Variants in PRKN observed in about 807,000 individuals in gnomAD.
PRKN encodes the protein E3 ubiquitin-protein ligase parkin.
In PRKN, 56 loss-of-function variants were observed where a neutral mutation model predicts 59.5. The ratio of observed to expected loss-of-function variants is 0.94; its 90% CI spans 0.76 to 1.18. The LOEUF (loss-of-function observed/expected upper bound fraction) is 1.18. Ranked by LOEUF, PRKN falls within the 50% of genes most tolerant of loss-of-function variation. The pLI is 0.00. For missense variants in PRKN, 657 were observed against 596.4 expected (o/e 1.10, Z -1.06); for synonymous variants, 250 against 222.1 (o/e 1.13, Z -1.12).
chr6:161,456,887 C>G lies in PRKN; in HGVS notation c.1084-70010G>C, dbSNP rs528922534. Among the ~76,000 whole-genome samples the G allele has an allele frequency of 6.6e-6, 1 of 152,140 alleles. No individual in the cohort carries two copies. The highest frequency in any genetic ancestry group is 2.4e-5 in the African/African-American group (1 of 41,444). On this transcript the variant is annotated intron_variant, in intron 9 of 11. Transcript: ENST00000366898. This position sits in a 1 kb window ranked among gnomAD's most constrained non-coding sequence, Gnocchi z 4.8. ...CAGGGAACCTTTTCTCCTAGGCAAACAGAGGTAGTGTGGCAGCTGGAAGAG... is the reference window on the plus strand; with the variant it reads ...CAGGGAACCTTTTCTCCTAGGCAAAGAGAGGTAGTGTGGCAGCTGGAAGAG...
chr6:162,206,005 T>C (rs1423433428), intron 3 of PRKN, among the ~76,000 whole-genome samples: 3 of 152,076 alleles, frequency 2.0e-5, no homozygotes, highest in Non-Finnish European at 2.9e-5. Flanking sequence ...TAATCTGTGC[T>C]CATATAAAAA....
chr6:162,512,696 C>T (rs1443843338), intron 1 of PRKN, among the ~76,000 whole-genome samples: 1 of 152,154 alleles, frequency 6.6e-6, no homozygotes. Context: ...GACTGGCTGC[C>T]TCTATGCTGT....
intron 1 of PRKN, among the ~76,000 whole-genome samples, chr6:162,675,672 T>C (rs890171179): frequency 1.3e-5 from 2 of 152,162 alleles, no homozygotes; most frequent in African/African-American, 4.8e-5. Context: ...ATACTATGTG[T>C]CTGGATGGGA....
At chr6:161,770,460 A>C (rs1315415980) in intron 7 of PRKN, among the ~76,000 whole-genome samples, 2 of 66,824 alleles carry the variant, frequency 3.0e-5, no homozygotes, top group African/African-American at 9.6e-5. Flanking sequence ...GCCTTTATTT[A>C]TTTATTTATT....
intron 1 of PRKN, among the ~76,000 whole-genome samples, chr6:162,572,332 C>G (rs567001502): frequency 1.3e-5 from 2 of 152,256 alleles, no homozygotes; most frequent in Non-Finnish European, 1.5e-5. Context: ...ACTCAGCACT[C>G]GTGAAAAAGA....
intron 2 of PRKN, among the ~76,000 whole-genome samples, chr6:162,425,159 CTTCCTTCGACAAAAGGTTTAA>C (rs1789171763): frequency 6.6e-6 from 1 of 152,062 alleles, no homozygotes; most frequent in Non-Finnish European, 1.5e-5. Flanking sequence ...GAGATCTGCT[CTTCCTTCGACAAAAGGTTTAA>C]CCTTATACTA....
rs865967144 is a variant in PRKN, at chr6:161,400,154, G to A, written c.1084-13277C>T. 5.9e-5 allele frequency among the ~76,000 whole-genome samples: 9 copies of A among 152,102 alleles called. No individual in the cohort carries two copies. The South Asian group carries it at 6.2e-4, about 11-fold the overall frequency. ...CTGGCCACCACGCTGGACTGCGCAG[G>A]TCTACAAGGACCCTGCTGTCTGAGG... is the stretch of plus-strand genomic sequence containing the variant. On this transcript the variant is annotated intron_variant, in intron 9 of 11. Coordinates refer to ENST00000366898, the MANE Select transcript of PRKN (RefSeq NM_004562.3). This position sits in a 1 kb window ranked among gnomAD's most constrained non-coding sequence, Gnocchi z 4.2.
chr6:161,878,487 C>T (rs1449431302), intron 6 of PRKN, among the ~76,000 whole-genome samples: 2 of 152,080 alleles, frequency 1.3e-5, no homozygotes, highest in African/African-American at 2.4e-5. Context: ...TGAAATCGCA[C>T]AGTACGAATT....
At chr6:161,769,412 T>C (rs1245808993) in intron 7 of PRKN, among the ~76,000 whole-genome samples, 1 of 152,170 alleles carries the variant, frequency 6.6e-6, no homozygotes, top group Non-Finnish European at 1.5e-5. Flanking sequence ...ATTGGCACCA[T>C]CTGAGTACAG....
intron 7 of PRKN, among the ~76,000 whole-genome samples, chr6:161,661,892 G>A (rs1784561772): frequency 6.6e-6 from 1 of 151,974 alleles, no homozygotes; most frequent in Admixed American, 6.6e-5. Context: ...GTGTGGTGGT[G>A]GGCACCTGGA....
chr6:161,450,757 G>A (rs1017196245), intron 9 of PRKN, among the ~76,000 whole-genome samples: 30 of 152,204 alleles, frequency 2.0e-4, no homozygotes, highest in South Asian at 4.1e-4. Context: ...GGGTTTCACT[G>A]TGTTAGCCAG....
intron 4 of PRKN, among the ~76,000 whole-genome samples, chr6:162,098,801 G>C (rs552988903): frequency 6.6e-6 from 1 of 152,152 alleles, no homozygotes; most frequent in Non-Finnish European, 1.5e-5. Flanking sequence ...TCCTCAGTAC[G>C]TTGGCTTGAA....
intron 1 of PRKN, among the ~76,000 whole-genome samples, chr6:162,468,626 G>C (rs1248156924): frequency 6.6e-6 from 1 of 152,232 alleles, no homozygotes; most frequent in African/African-American, 2.4e-5. Context: ...GTACTAGAGA[G>C]TGGTTAGATG....
chr6:161,591,030 A>G (rs187914978), intron 7 of PRKN, among the ~76,000 whole-genome samples: 3 of 152,194 alleles, frequency 2.0e-5, no homozygotes, highest in Admixed American at 1.3e-4. Context: ...GACTTCGATC[A>G]TTATACTGTG....
chr6:162,262,303 A>T (rs1197591414), intron 3 of PRKN, among the ~76,000 whole-genome samples: 1 of 152,096 alleles, frequency 6.6e-6, no homozygotes, highest in Non-Finnish European at 1.5e-5. Context: ...TCTTATATTT[A>T]ATCTCAATAT....
intron 7 of PRKN, among the ~76,000 whole-genome samples, chr6:161,637,689 T>G (rs1783576390): frequency 7.0e-6 from 1 of 142,060 alleles, no homozygotes; most frequent in Admixed American, 7.0e-5. Context: ...AACTAAAAAA[T>G]AGACTCATTT....
At chr6:162,556,341 T>TGG (rs201876234) in intron 1 of PRKN, among the ~76,000 whole-genome samples, 10,537 of 92,418 alleles carry the variant, frequency 0.11, 1,111 homozygotes, top group South Asian at 0.16. Flanking sequence ...ACTACTCAGC[T>TGG]GGTGTGTGTG....
intron 7 of PRKN, among the ~76,000 whole-genome samples, chr6:161,649,222 G>C (rs1463653901): frequency 2.6e-5 from 4 of 152,130 alleles, no homozygotes; most frequent in African/African-American, 4.8e-5. Flanking sequence ...TTGCATGACT[G>C]ACCCCCTCTC....
chr6:161,472,431 A>G (rs1455968640), intron 9 of PRKN, among the ~76,000 whole-genome samples: 1 of 152,154 alleles, frequency 6.6e-6, no homozygotes, highest in African/African-American at 2.4e-5. Context: ...TCTTCAATAA[A>G]TGGTATTGGG....
Sources: gnomAD v4.1 joint callset for allele counts (sites outside exome capture counted in the v4.1 genomes callset) on GRCh38, gnomAD v4.1.1 for gene constraint, Gnocchi (gnomAD v3.1) non-coding constraint, MANE v1.5 for transcripts, NCBI Gene and HGNC (gene_info 2026-07-23, HGNC 2026-07-21) for gene names.